GTF2A1L: variants seen among roughly 807,000 people sequenced by gnomAD.
GTF2A1L encodes general transcription factor IIA subunit 1 like.
Under a neutral mutation model 49.7 loss-of-function variants are expected in GTF2A1L, and 48 were observed. The observed-to-expected ratio is 0.97, with a 90% CI of 0.77 to 1.23. The LOEUF (loss-of-function observed/expected upper bound fraction) is 1.23. Ranked by LOEUF, GTF2A1L falls within the 50% of genes most tolerant of loss-of-function variation. The pLI is 0.00. For synonymous variants in GTF2A1L, 246 were observed against 193.5 expected (o/e 1.27, Z -2.25); for missense variants, 736 against 564.8 (o/e 1.30, Z -3.07).
intron 8 of GTF2A1L, among the ~76,000 whole-genome samples, chr2:48,676,017 C>A (rs926158345): frequency 6.6e-6 from 1 of 151,824 alleles, no homozygotes; most frequent in Non-Finnish European, 1.5e-5. Context: ...TTTTTGCTTT[C>A]TATTAGTAGC....
intron 6 of GTF2A1L, among the ~76,000 whole-genome samples, chr2:48,649,987 C>G (rs959309047): frequency 1.3e-5 from 2 of 152,114 alleles, no homozygotes; most frequent in African/African-American, 2.4e-5. Flanking sequence ...ACCATCCTTT[C>G]CTCTGGTTAA....
chr2:48,637,660 C>T (rs916620070), intron 3 of GTF2A1L, among the ~76,000 whole-genome samples: 2 of 152,060 alleles, frequency 1.3e-5, no homozygotes, highest in Non-Finnish European at 2.9e-5. Context: ...CACAAAAAAC[C>T]ATTCAAAAGA....
intron 6 of GTF2A1L, among the ~76,000 whole-genome samples, chr2:48,657,646 A>G (rs1172559385): frequency 6.6e-6 from 1 of 152,080 alleles, no homozygotes; most frequent in Non-Finnish European, 1.5e-5. Context: ...ATTGAACGGT[A>G]GCTCTATTTT....
chr2:48,622,374 C>T (rs1470900947), intron 3 of GTF2A1L, among the ~76,000 whole-genome samples: 1 of 152,196 alleles, frequency 6.6e-6, no homozygotes, highest in Admixed American at 6.5e-5. Context: ...AAACATTTTT[C>T]ATCAGTTGGG....
At chr2:48,660,601 T>C (rs1473059219) in intron 6 of GTF2A1L, among the ~76,000 whole-genome samples, 2 of 152,012 alleles carry the variant, frequency 1.3e-5, no homozygotes, top group African/African-American at 4.8e-5. Flanking sequence ...TATATTTCTG[T>C]AAAATTATTA....
At chr2:48,659,927 A>G (rs1678391870) in intron 6 of GTF2A1L, among the ~76,000 whole-genome samples, 1 of 152,128 alleles carries the variant, frequency 6.6e-6, no homozygotes. Flanking sequence ...ACATCTGTAA[A>G]CAGAGATAAT....
rs34643307 is a variant in GTF2A1L at position 48,669,874 on chromosome 2, C to A, written c.1131C>A (p.Asp377Glu). The A allele has an allele frequency of 6.2e-6, 10 of 1,613,802 alleles. No individual in the cohort carries two copies. In the South Asian group the frequency reaches 1.1e-4, roughly 18 times the overall value. The change falls in exon 7 of 9, where the codon GAC (aspartate) becomes GAA (glutamate). Residue 377 changes from aspartate (D) to glutamate (E), a missense_variant. Physicochemically the swap from Asp to Glu is conservative, Grantham distance 45. Transcript: ENST00000403751. ...ADENEFLGNI[D>E]GGDLKVPEEE... Reference sequence around the variant, plus strand: ...AGAATGAATTTCTAGGGAATATTGACGGGGGAGATCTGAAGGTACCTGAAG... The same window carrying A: ...AGAATGAATTTCTAGGGAATATTGAAGGGGGAGATCTGAAGGTACCTGAAG...
chr2:48,620,332 G>C (rs1675910651), intron 1 of GTF2A1L, among the ~76,000 whole-genome samples: 1 of 152,226 alleles, frequency 6.6e-6, no homozygotes, highest in African/African-American at 2.4e-5. Context: ...GATAGGCTGA[G>C]ACTATGGGTC....
At chr2:48,676,395 G>A (rs537027916) in intron 8 of GTF2A1L, among the ~76,000 whole-genome samples, 1 of 151,784 alleles carries the variant, frequency 6.6e-6, no homozygotes. Context: ...GCAAATGTAC[G>A]TGGTTAGGTA....
At chr2:48,621,352 T>C in intron 3 of GTF2A1L, 62 bp downstream of exon 3, 1 of 1,609,758 alleles carries the variant, frequency 6.2e-7, no homozygotes, top group Non-Finnish European at 8.5e-7. Context: ...CATTTGGGAA[T>C]GTTTTTCAGT....
chr2:48,627,630 G>T (rs1676356745), intron 3 of GTF2A1L, among the ~76,000 whole-genome samples: 1 of 144,004 alleles, frequency 6.9e-6, no homozygotes, highest in South Asian at 2.3e-4. Flanking sequence ...AAAAATGTCT[G>T]CCAGATACCC....
intron 6 of GTF2A1L, among the ~76,000 whole-genome samples, chr2:48,652,179 C>T (rs899849807): frequency 2.0e-5 from 3 of 152,226 alleles, no homozygotes; most frequent in East Asian, 3.9e-4. Flanking sequence ...TATGAGGCTA[C>T]GTAAATTCAA....
rs540557804 is a variant in GTF2A1L, at chr2:48,652,397, C to G, written c.978+5355C>G. ...TTGGGAGGCCAAAGCGGATGGATCA[C>G]TTGAGGTTAGGAGTTCGAGACCAGC... On this transcript the variant is annotated intron_variant, in intron 6 of 8. Transcript: ENST00000403751. Among the ~76,000 whole-genome samples the G allele has an allele frequency of 2.0e-5, 3 of 152,064 alleles. No homozygotes were observed. In the East Asian group the frequency reaches 5.9e-4, roughly 30 times the overall value.
intron 1 of GTF2A1L, among the ~76,000 whole-genome samples, chr2:48,620,593 CA>C (rs112141014): frequency 0.017 from 2,542 of 152,184 alleles, 71 homozygotes; most frequent in African/African-American, 0.058. Flanking sequence ...GCCTGACCAT[CA>C]TGGTGAAACC....
intron 6 of GTF2A1L, among the ~76,000 whole-genome samples, chr2:48,659,276 T>C (rs1438024080): frequency 1.3e-5 from 2 of 152,132 alleles, no homozygotes; most frequent in African/African-American, 2.4e-5. Context: ...CCATCAAATA[T>C]GTTTTCTAGG....
In GTF2A1L at chr2:48,646,521, C is replaced by T. The variant is rs752639224; in HGVS notation, c.457C>T (p.His153Tyr). Residue 153 changes from histidine to tyrosine, a missense_variant, in exon 6 of 9, where the codon CAT becomes TAT. By Grantham distance (83) the His-to-Tyr change is moderately conservative (BLOSUM62 2). Coordinates refer to ENST00000403751, the MANE Select transcript of GTF2A1L (RefSeq NM_006872.5). ...ETSGRAGILQ[H>Y]PIQQVFQQLG... ...TTCTGGAAGAGCAGGTATTCTTCAG[C>T]ATCCAATTCAGCAAGTATTTCAACA... is the stretch of plus-strand genomic sequence containing the variant. 22 of 1,613,970 alleles carry T rather than the reference C, an allele frequency of 1.4e-5. No homozygotes were observed. The highest frequency in any genetic ancestry group is 1.5e-5 in the Non-Finnish European group (18 of 1,179,988).
chr2:48,659,573 T>C (rs1183800070), intron 6 of GTF2A1L, among the ~76,000 whole-genome samples: 1 of 152,094 alleles, frequency 6.6e-6, no homozygotes, highest in Non-Finnish European at 1.5e-5. Context: ...AATATTCACA[T>C]CTTAACCTTA....
At position 48,628,150 on chromosome 2, in the gene GTF2A1L, A is replaced by C. The variant is rs75092480; in HGVS notation, c.247+6860A>C. On this transcript the variant is annotated intron_variant, in intron 3 of 8. Coordinates refer to ENST00000403751, the MANE Select transcript of GTF2A1L (RefSeq NM_006872.5). Reference sequence around the variant, plus strand: ...ATGGATGGGCACCTGGATTGGTTGCATGTCATTGCTGTTGTGAATAGTACT... The same window carrying C: ...ATGGATGGGCACCTGGATTGGTTGCCTGTCATTGCTGTTGTGAATAGTACT... Among the ~76,000 whole-genome samples, 1,139 of 144,110 alleles carry C rather than the reference A, an allele frequency of 7.9e-3. 90 individuals are homozygous for C. The highest frequency in any genetic ancestry group is 0.025 in the African/African-American group (1,026 of 40,552). The allele number at this position is 144,110 out of a possible 152,430, so 94.5% of individuals were successfully genotyped here.
intron 6 of GTF2A1L, among the ~76,000 whole-genome samples, chr2:48,649,357 C>T (rs1295137898): frequency 6.6e-6 from 1 of 152,052 alleles, no homozygotes; most frequent in Non-Finnish European, 1.5e-5. Flanking sequence ...CTCCTAGTGC[C>T]ATTGCCCTAA....
Sources: gnomAD v4.1 joint callset for allele counts (sites outside exome capture counted in the v4.1 genomes callset) on GRCh38, gnomAD v4.1.1 for gene constraint, MANE v1.5 for transcripts, NCBI Gene and HGNC (gene_info 2026-07-23, HGNC 2026-07-21) for gene names.